The following CACNA1S variants were observed in gnomAD, a reference collection of about 807,000 sequenced individuals.
The protein encoded by CACNA1S is voltage-dependent L-type calcium channel subunit alpha-1S.
CACNA1S carries 126 observed loss-of-function variants against 207.4 expected under a neutral mutation model. The ratio of observed to expected loss-of-function variants is 0.61; its 90% CI spans 0.53 to 0.70. The LOEUF is 0.70. Ranked by LOEUF, CACNA1S falls within the 30% of genes least tolerant of loss-of-function variation. The probability of loss-of-function intolerance (pLI) is 0.00; values close to 1 mark genes in which losing one functional copy is unlikely to be tolerated. For synonymous variants in CACNA1S, 960 were observed against 932.7 expected (o/e 1.03, Z -0.53); for missense variants, 2,349 against 2,422.8 (o/e 0.97, Z 0.64).
intron 3 of CACNA1S, among the ~76,000 whole-genome samples, chr1:201,092,730 G>A (rs72751107): frequency 2.5e-3 from 383 of 152,292 alleles, no homozygotes; most frequent in Non-Finnish European, 3.9e-3. Context: ...TATTCTGTAC[G>A]CATTTGTCTT....
At chr1:201,102,851 G>A (rs113878059) in intron 2 of CACNA1S, among the ~76,000 whole-genome samples, 9 of 152,268 alleles carry the variant, frequency 5.9e-5, no homozygotes, top group African/African-American at 9.6e-5. Flanking sequence ...GTCAGATCCC[G>A]CCCTCAATCC....
rs1662235864 is a variant in CACNA1S, at chr1:201,091,627, C to T, written c.694+13G>A. 1.2e-6 allele frequency: 2 copies of T among 1,614,144 alleles called. No individual in the cohort carries two copies. The highest frequency in any genetic ancestry group is 2.2e-5 in the East Asian group (1 of 44,880). On this transcript the variant is annotated intron_variant, in intron 5 of 43. Coordinates refer to ENST00000362061, the MANE Select transcript of CACNA1S (RefSeq NM_000069.3). ...GGCCCTGCCCCACAGCCCCACTTTCCCTGGGAGCTCACCTGTACCAATGAA... is the reference window on the plus strand; with the variant it reads ...GGCCCTGCCCCACAGCCCCACTTTCTCTGGGAGCTCACCTGTACCAATGAA...
At position 201,047,238 on chromosome 1, in the gene CACNA1S, A is replaced by G; in HGVS notation, c.4545T>C (p.Asp1515=). Residue 1515 remains aspartate, a splice_region_variant and synonymous_variant, in exon 38 of 44, where the codon GAT becomes GAC. Coordinates refer to ENST00000362061, the MANE Select transcript of CACNA1S (RefSeq NM_000069.3). ...LLDQVIPPIG[D]DEVTVGKFYA... ...AGAACTTCCCCACTGTCACCTCATC[A>G]TCTGCAGAGGAGCCAACAAGAGATG... is the stretch of plus-strand genomic sequence containing the variant. 1 of 1,614,232 alleles carries G rather than the reference A, an allele frequency of 6.2e-7. No individual in the cohort carries two copies. The highest frequency in any genetic ancestry group is 1.7e-4 in the Middle Eastern group (1 of 6,060).
intron 1 of CACNA1S, 95 bp downstream of exon 1, chr1:201,112,093 C>T: frequency 1.5e-6 from 2 of 1,309,910 alleles, no homozygotes; most frequent in Non-Finnish European, 2.1e-6. Flanking sequence ...CCAGGCCTCC[C>T]TGGCCCTCCT....
In CACNA1S at chr1:201,048,690, C is replaced by T. The variant is rs182900281; in HGVS notation, c.4339-6G>A. 1 of 1,611,286 alleles carries T rather than the reference C, an allele frequency of 6.2e-7. No individual in the cohort carries two copies. The highest frequency in any genetic ancestry group is 1.3e-5 in the African/African-American group (1 of 75,022). ...ATGTTCATGCCCACCAGCCGCTGTA[C>T]AGGGAGACGCAGTGGCCTGCCGCTG... On this transcript the variant is annotated splice_polypyrimidine_tract_variant and splice_region_variant and intron_variant, in intron 35 of 43. Coordinates refer to ENST00000362061, the MANE Select transcript of CACNA1S (RefSeq NM_000069.3).
At chr1:201,049,225 G>C in intron 34 of CACNA1S, 126 bp from the exon 35 acceptor site, 1 of 701,488 alleles carries the variant, frequency 1.4e-6, no homozygotes, top group African/African-American at 1.8e-5. Flanking sequence ...TTTTCCAACT[G>C]TGTTTAGGAA....
At chr1:201,090,473 T>C (rs937175809) in intron 5 of CACNA1S, among the ~76,000 whole-genome samples, 1 of 152,188 alleles carries the variant, frequency 6.6e-6, no homozygotes, top group South Asian at 2.1e-4. Context: ...GGTTTAGGAC[T>C]GGTGTTGACT....
chr1:201,040,575 G>T, intron 42 of CACNA1S, 47 bp downstream of exon 42: 1 of 1,551,490 alleles, frequency 6.4e-7, no homozygotes, highest in Non-Finnish European at 8.9e-7. Flanking sequence ...ATCAGGCCAG[G>T]CAGGGTCTCT....
chr1:201,089,982 T>C (rs1662169022), intron 5 of CACNA1S, among the ~76,000 whole-genome samples: 1 of 152,236 alleles, frequency 6.6e-6, no homozygotes, highest in Non-Finnish European at 1.5e-5. Flanking sequence ...CACTCTCCTT[T>C]GTTCCCCTGG....
At chr1:201,072,886 G>A in intron 15 of CACNA1S, 62 bp from the exon 16 acceptor site, 4 of 1,235,686 alleles carry the variant, frequency 3.2e-6, no homozygotes, top group East Asian at 4.6e-5. Context: ...CCCTCAATGA[G>A]CATATACTGG....
Position 201,085,441 on chromosome 1 carries a change from C to T in CACNA1S, c.1145G>A (p.Arg382Lys). 1 of 1,613,692 alleles carries T rather than the reference C, an allele frequency of 6.2e-7. No individual in the cohort carries two copies. ...CACAGCCTTTGGGCCCAAACCTTCT[C>T]TGAAGTCCTCAACATCCATGACCTC... is the stretch of plus-strand genomic sequence containing the variant. ...QGEVMDVEDFREGKLSLDEGG... is the reference protein window; with the variant it reads ...QGEVMDVEDFKEGKLSLDEGG... Residue 382 changes from arginine to lysine, a missense_variant, in exon 8 of 44, where the codon AGA becomes AAA. Coordinates refer to ENST00000362061, the MANE Select transcript of CACNA1S (RefSeq NM_000069.3).
intron 2 of CACNA1S, among the ~76,000 whole-genome samples, chr1:201,096,419 C>A (rs571353190): frequency 6.6e-6 from 1 of 152,318 alleles, no homozygotes; most frequent in South Asian, 2.1e-4. Flanking sequence ...GCAGCCTGGG[C>A]TCAGTCTTCC....
chr1:201,068,765 G>T (rs1661346623), intron 19 of CACNA1S, among the ~76,000 whole-genome samples: 1 of 152,070 alleles, frequency 6.6e-6, no homozygotes, highest in African/African-American at 2.4e-5. Context: ...CCAGCTACTT[G>T]AGAGGCTGAG....
intron 38 of CACNA1S, among the ~76,000 whole-genome samples, chr1:201,046,487 C>T (rs1660473347): frequency 6.6e-6 from 1 of 151,816 alleles, no homozygotes; most frequent in Admixed American, 6.6e-5. Context: ...GGACCCATAC[C>T]CAGTGGAACA....
In CACNA1S at chr1:201,060,533, T is replaced by C; in HGVS notation, c.3414+125A>G. The C allele has an allele frequency of 2.9e-6, 3 of 1,032,336 alleles. No individual in the cohort carries two copies. In the East Asian group the frequency reaches 7.3e-5, roughly 25 times the overall value. 63.9% of individuals were successfully genotyped at this position (1,032,336 alleles called of 1,614,324 possible). On this transcript the variant is annotated intron_variant, in intron 26 of 43. Transcript: ENST00000362061. ...TCACTTCTGTATTCCATGTAGCACC[T>C]CAGCACACAGTGCACAAGAAATGTC...
chr1:201,065,782 G>T (rs1661213387), intron 22 of CACNA1S, 56 bp downstream of exon 22: 1 of 1,163,424 alleles, frequency 8.6e-7, no homozygotes, highest in African/African-American at 1.5e-5. Flanking sequence ...GTGCTTGAGA[G>T]TGGGCACCAG....
intron 28 of CACNA1S, 49 bp downstream of exon 28, chr1:201,058,359 C>T (rs377008263): frequency 9.6e-5 from 142 of 1,486,282 alleles, no homozygotes; most frequent in Non-Finnish European, 1.3e-4. Context: ...GGATTGAACA[C>T]ATGCTCTTGG....
At chr1:201,069,315 CAGA>C in intron 18 of CACNA1S, 119 bp from the exon 19 acceptor site, 5 of 1,419,170 alleles carry the variant, frequency 3.5e-6, no homozygotes, top group Non-Finnish European at 3.9e-6. Flanking sequence ...CTGTGCCGTT[CAGA>C]AGGAGTGGAG....
chr1:201,058,328 G>A, intron 28 of CACNA1S, 80 bp downstream of exon 28: 2 of 1,201,094 alleles, frequency 1.7e-6, no homozygotes, highest in South Asian at 1.2e-5. Flanking sequence ...TACACACAGT[G>A]GGCACCCCAC....
Sources: allele counts gnomAD v4.1 joint callset (sites outside exome capture counted in the v4.1 genomes callset), GRCh38; gene constraint gnomAD v4.1.1; transcripts MANE v1.5; gene names NCBI Gene and HGNC (gene_info 2026-07-23, HGNC 2026-07-21).